Variants in MMP26 observed in about 807,000 individuals in gnomAD.
MMP26 encodes the protein matrix metallopeptidase 26, also known as matrix metalloproteinase-26.
A neutral mutation model predicts 31.0 loss-of-function variants in MMP26; 33 were observed. That is an observed-to-expected ratio of 1.06 (90% CI 0.81 to 1.42). The LOEUF is 1.42. MMP26 is among the 40% of genes most tolerant of loss of function. MMP26 has a pLI of 0.00. For missense variants in MMP26, 347 were observed against 316.1 expected (o/e 1.10, Z -0.74); for synonymous variants, 122 against 114.9 (o/e 1.06, Z -0.40).
At chr11:4,785,130 C>T (rs1848918933) in intron 2 of MMP26, among the ~76,000 whole-genome samples, 1 of 152,152 alleles carries the variant, frequency 6.6e-6, no homozygotes, top group Admixed American at 6.5e-5. Context: ...TACCCTCAGG[C>T]CTCTAGTAAG....
intron 2 of MMP26, among the ~76,000 whole-genome samples, chr11:4,794,514 G>GT (rs1849078100): frequency 2.6e-5 from 4 of 152,058 alleles, no homozygotes; most frequent in Admixed American, 2.6e-4. Context: ...TTTATTGGTC[G>GT]TTGGGTTGGA....
intron 1 of MMP26, among the ~76,000 whole-genome samples, chr11:4,739,919 C>A (rs935749801): frequency 6.6e-6 from 1 of 152,110 alleles, no homozygotes; most frequent in Non-Finnish European, 1.5e-5. Context: ...AATGTAATTG[C>A]AGTTAAAAAT....
At chr11:4,746,658 A>C (rs1487567506) in intron 1 of MMP26, among the ~76,000 whole-genome samples, 1 of 152,016 alleles carries the variant, frequency 6.6e-6, no homozygotes, top group Non-Finnish European at 1.5e-5. Flanking sequence ...ACAAGGTGAA[A>C]CCCCGTCTCT....
chr11:4,842,281 G>A (rs986121336), intron 2 of MMP26, among the ~76,000 whole-genome samples: 9 of 152,210 alleles, frequency 5.9e-5, no homozygotes, highest in African/African-American at 1.9e-4. Flanking sequence ...TTAAAATAAT[G>A]GGTTATAAAA....
rs1055394426 is a variant in MMP26 at position 4,776,985 on chromosome 11, C to A, written c.-145+9644C>A. ...ATATGTATACTATGCTTACCACACA[C>A]CAGTTGAATTACCCTTGGACAATGG... On this transcript the variant is annotated intron_variant, in intron 2 of 7. Transcript: ENST00000380390. Among the ~76,000 whole-genome samples, 4 of 152,220 alleles carry A rather than the reference C, an allele frequency of 2.6e-5. No homozygotes were observed. The East Asian group carries it at 7.7e-4, about 29-fold the overall frequency.
rs147276592 is a variant in MMP26, at chr11:4,803,955, C to T, written c.-145+36614C>T. 7,588 of 1,613,488 alleles carry T rather than the reference C, an allele frequency of 4.7e-3. 26 individuals carry two copies. Among genetic ancestry groups the T allele is most frequent in the Non-Finnish European group, 5.9e-3 (6,968 of 1,179,918 alleles). ...CGATGGTCCCCAGTTTGATCACGACCGATGGGGTCAGGATGCTAGAGTGTC... is the reference window on the plus strand; with the variant it reads ...CGATGGTCCCCAGTTTGATCACGACTGATGGGGTCAGGATGCTAGAGTGTC... On this transcript the variant is annotated intron_variant, in intron 2 of 7. Coordinates refer to ENST00000380390, the MANE Select transcript of MMP26 (RefSeq NM_021801.5).
Position 4,992,221 on chromosome 11 carries a change from A to G in MMP26, c.765A>G (p.Lys255=), listed in dbSNP as rs1217282443. 8.1e-6 allele frequency: 13 copies of G among 1,612,028 alleles called. No homozygotes were observed. Among genetic ancestry groups the G allele is most frequent in the Non-Finnish European group, 1.1e-5 (13 of 1,179,176 alleles). Reference sequence around the variant, plus strand: ...TTTTTTCTGTTTCCATAGGAGAAAAATGTTCATCTGACATACCTTAATGTT... The same window carrying G: ...TTTTTTCTGTTTCCATAGGAGAAAAGTGTTCATCTGACATACCTTAATGTT... ...IQRIQHLYGE[K]CSSDIP The change falls in exon 8 of 8, where the codon AAA becomes AAG. Residue 255 remains lysine (K), a synonymous_variant. Coordinates refer to ENST00000380390, the MANE Select transcript of MMP26 (RefSeq NM_021801.5).
intron 2 of MMP26, among the ~76,000 whole-genome samples, chr11:4,958,297 C>G (rs1313797470): frequency 6.6e-6 from 1 of 152,210 alleles, no homozygotes; most frequent in African/African-American, 2.4e-5. Context: ...TTACCTCTTG[C>G]TAGCGCGAAC....
chr11:4,798,390 G>A lies in MMP26; in HGVS notation c.-145+31049G>A, dbSNP rs147842881. 2.3e-4 allele frequency among the ~76,000 whole-genome samples: 35 copies of A among 152,302 alleles called. No homozygotes were observed. In the East Asian group the frequency reaches 4.8e-3, roughly 21 times the overall value. ...AGGACCTCACCCACCTTCAGCCTTCGGCTTTATCATCTTCCAGGGGAGGTC... is the reference window on the plus strand; with the variant it reads ...AGGACCTCACCCACCTTCAGCCTTCAGCTTTATCATCTTCCAGGGGAGGTC... On this transcript the variant is annotated intron_variant, in intron 2 of 7. Coordinates refer to ENST00000380390, the MANE Select transcript of MMP26 (RefSeq NM_021801.5).
At chr11:4,882,605 C>T in intron 2 of MMP26, 1 of 1,613,934 alleles carries the variant, frequency 6.2e-7, no homozygotes, top group Non-Finnish European at 8.5e-7. Context: ...CCGAAAGAAG[C>T]AACAAAAAGC....
chr11:4,819,749 G>C (rs1336628395), intron 2 of MMP26, among the ~76,000 whole-genome samples: 3 of 151,480 alleles, frequency 2.0e-5, no homozygotes, highest in Admixed American at 2.0e-4. Flanking sequence ...TGGCTAATTT[G>C]TAAACGTTTT....
chr11:4,873,591 C>G (rs773532143), intron 2 of MMP26, among the ~76,000 whole-genome samples: 1 of 151,996 alleles, frequency 6.6e-6, no homozygotes, highest in Admixed American at 6.6e-5. Flanking sequence ...AAAGTAGGTG[C>G]ATAACTTTAG....
chr11:4,873,756 C>T (rs1298304643), intron 2 of MMP26, among the ~76,000 whole-genome samples: 1 of 151,922 alleles, frequency 6.6e-6, no homozygotes, highest in Non-Finnish European at 1.5e-5. Flanking sequence ...AGTGCTCTAT[C>T]AATATTCCAA....
chr11:4,986,698 T>A (rs1846895121), intron 2 of MMP26, among the ~76,000 whole-genome samples: 1 of 149,430 alleles, frequency 6.7e-6, no homozygotes, highest in African/African-American at 2.4e-5. Flanking sequence ...GCTGGGCTAA[T>A]TTTTTTGTAT....
chr11:4,880,897 C>T (rs149241079), intron 2 of MMP26, among the ~76,000 whole-genome samples: 1 of 152,200 alleles, frequency 6.6e-6, no homozygotes, highest in East Asian at 1.9e-4. Context: ...GAGGATGGGT[C>T]TGTAACATTA....
At chr11:4,741,119 A>C (rs936942339) in intron 1 of MMP26, among the ~76,000 whole-genome samples, 1 of 152,154 alleles carries the variant, frequency 6.6e-6, no homozygotes, top group Non-Finnish European at 1.5e-5. Flanking sequence ...GTCCAGTTTC[A>C]GTTTTCTGCA....
chr11:4,808,432 C>T (rs1849306633), intron 2 of MMP26, among the ~76,000 whole-genome samples: 1 of 152,018 alleles, frequency 6.6e-6, no homozygotes, highest in Non-Finnish European at 1.5e-5. Context: ...GGACTGGAGC[C>T]TCTAGCACAG....
chr11:4,748,131 T>C lies in MMP26; in HGVS notation c.-216-19139T>C, dbSNP rs537513019. Reference sequence around the variant, plus strand: ...AAAGGAGACATTACAATTGATATCATAGAAATACAAAAGATCATCACAAAC... The same window carrying C: ...AAAGGAGACATTACAATTGATATCACAGAAATACAAAAGATCATCACAAAC... On this transcript the variant is annotated intron_variant, in intron 1 of 7. Transcript: ENST00000380390. 6.6e-5 allele frequency among the ~76,000 whole-genome samples: 10 copies of C among 152,012 alleles called. No individual in the cohort carries two copies. In the South Asian group the frequency reaches 1.7e-3, roughly 25 times the overall value.
intron 2 of MMP26, among the ~76,000 whole-genome samples, chr11:4,791,297 A>G (rs1271129897): frequency 6.6e-6 from 1 of 152,224 alleles, no homozygotes; most frequent in African/African-American, 2.4e-5. Context: ...TCTTTGAATT[A>G]ATCCTTTAGA....
Sources: gnomAD v4.1 joint callset for allele counts (sites outside exome capture counted in the v4.1 genomes callset) on GRCh38, gnomAD v4.1.1 for gene constraint, MANE v1.5 for transcripts, NCBI Gene and HGNC (gene_info 2026-07-23, HGNC 2026-07-21) for gene names.